CUBN: variants seen among roughly 807,000 people sequenced by gnomAD.
CUBN encodes the protein cubilin, also known as 460 kDa receptor.
Under a neutral mutation model 405.3 loss-of-function variants are expected in CUBN, and 282 were observed. The observed-to-expected ratio is 0.70, with a 90% CI of 0.63 to 0.77. CUBN has a LOEUF of 0.77. CUBN is among the 30% of genes least tolerant of loss of function. The pLI is 0.00. For missense variants in CUBN, 4,514 were observed against 4,475.2 expected (o/e 1.01, Z -0.25); for synonymous variants, 1,684 against 1,617.0 (o/e 1.04, Z -0.99).
chr10:16,967,941 G>C (rs1843448131), intron 31 of CUBN, among the ~76,000 whole-genome samples: 2 of 148,794 alleles, frequency 1.3e-5, no homozygotes, highest in Non-Finnish European at 1.5e-5. Flanking sequence ...GAGAGCAAGA[G>C]GAAGAGGGAA....
intron 17 of CUBN, among the ~76,000 whole-genome samples, chr10:17,083,559 C>G (rs1836023168): frequency 4.3e-5 from 2 of 46,302 alleles, no homozygotes; most frequent in Admixed American, 2.3e-4. Flanking sequence ...TGCTGTAGTG[C>G]TATGGTCAAT....
chr10:16,882,780 G>A (rs1342999977), intron 56 of CUBN, among the ~76,000 whole-genome samples: 2 of 152,134 alleles, frequency 1.3e-5, no homozygotes, highest in African/African-American at 4.8e-5. Flanking sequence ...TTGGGAGGCC[G>A]AGGCAGGCAG....
chr10:17,004,475 A>G (rs959133972), intron 28 of CUBN, among the ~76,000 whole-genome samples: 4 of 152,192 alleles, frequency 2.6e-5, no homozygotes, highest in South Asian at 2.1e-4. Context: ...CAAATTCAGC[A>G]TGTTCAAATA....
chr10:16,837,195 C>G (rs1839198700), intron 62 of CUBN, among the ~76,000 whole-genome samples: 2 of 151,968 alleles, frequency 1.3e-5, no homozygotes, highest in African/African-American at 4.8e-5. Flanking sequence ...CGGTATACAT[C>G]CCCCACCTTT....
chr10:17,097,938 A>C (rs113439011), intron 14 of CUBN, among the ~76,000 whole-genome samples: 3,332 of 152,180 alleles, frequency 0.022, 145 homozygotes, highest in African/African-American at 0.075. Context: ...CCTCGCCTTG[A>C]ATTTGGGTCA....
chr10:16,840,300 T>A, intron 62 of CUBN, 30 bp downstream of exon 62: 1 of 1,560,424 alleles, frequency 6.4e-7, no homozygotes, highest in Non-Finnish European at 8.8e-7. Flanking sequence ...GGTCACTAGA[T>A]GTGACTGCCA....
At chr10:17,080,335 A>G (rs1377183093) in intron 17 of CUBN, among the ~76,000 whole-genome samples, 1 of 152,234 alleles carries the variant, frequency 6.6e-6, no homozygotes, top group Non-Finnish European at 1.5e-5. Flanking sequence ...GAGGTCTAAA[A>G]TATGATGAAT....
intron 28 of CUBN, among the ~76,000 whole-genome samples, chr10:17,011,213 T>TG (rs1404148678): frequency 1.3e-5 from 2 of 152,182 alleles, no homozygotes; most frequent in African/African-American, 4.8e-5. Flanking sequence ...TTCCTTCTGG[T>TG]GGGTTCTTGG....
intron 50 of CUBN, among the ~76,000 whole-genome samples, chr10:16,904,628 G>A (rs1841505443): frequency 1.3e-5 from 2 of 152,196 alleles, no homozygotes; most frequent in South Asian, 2.1e-4. Context: ...ATTACATTTC[G>A]TGGGTTTGAT....
intron 31 of CUBN, among the ~76,000 whole-genome samples, chr10:16,967,657 G>A (rs1306878199): frequency 6.6e-6 from 1 of 152,008 alleles, no homozygotes; most frequent in South Asian, 2.1e-4. Flanking sequence ...GGGCGTAAAG[G>A]AGGGAGGGAA....
intron 66 of CUBN, among the ~76,000 whole-genome samples, chr10:16,828,461 T>C (rs1204435960): frequency 6.6e-6 from 1 of 152,180 alleles, no homozygotes; most frequent in Non-Finnish European, 1.5e-5. Context: ...CTCACGCGTG[T>C]AATCCCAACA....
At chr10:16,850,495 G>A (rs1248624672) in intron 60 of CUBN, among the ~76,000 whole-genome samples, 2 of 151,888 alleles carry the variant, frequency 1.3e-5, no homozygotes, top group Middle Eastern at 3.4e-3. Flanking sequence ...TTTTTGAGAC[G>A]GAGTCTTGCT....
In CUBN at chr10:16,900,703, G is replaced by T; in HGVS notation, c.8332C>A (p.Gln2778Lys). ...NPRTIQSGSN[Q>K]LVVTFNSDHS... Reference sequence around the variant, plus strand: ...TCTGAGTTAAAAGTCACGACCAGCTGATTGGAACCTGACTGTATTGTCCTG... The same window carrying T: ...TCTGAGTTAAAAGTCACGACCAGCTTATTGGAACCTGACTGTATTGTCCTG... Residue 2778 changes from glutamine (Q) to lysine (K), a missense_variant, in exon 53 of 67, where the codon CAG becomes AAG. Gln to Lys is a moderately conservative substitution (Grantham distance 53). Coordinates refer to ENST00000377833, the MANE Select transcript of CUBN (RefSeq NM_001081.4). 6.2e-7 allele frequency: 1 copy of T among 1,614,182 alleles called. No individual in the cohort carries two copies. The highest frequency in any genetic ancestry group is 8.5e-7 in the Non-Finnish European group (1 of 1,180,000).
At chr10:17,001,694 A>C (rs938737327) in intron 28 of CUBN, among the ~76,000 whole-genome samples, 44 of 152,358 alleles carry the variant, frequency 2.9e-4, no homozygotes, top group South Asian at 1.2e-3. Flanking sequence ...CTAAGCGTTT[A>C]ATCATATTTT....
intron 59 of CUBN, among the ~76,000 whole-genome samples, chr10:16,861,162 T>G (rs970748902): frequency 6.6e-6 from 1 of 150,900 alleles, no homozygotes; most frequent in African/African-American, 2.5e-5. Flanking sequence ...TCCCAATGAA[T>G]GCCTTTTTTT....
At chr10:17,092,934 G>T (rs1836296713) in intron 14 of CUBN, among the ~76,000 whole-genome samples, 1 of 152,142 alleles carries the variant, frequency 6.6e-6, no homozygotes, top group South Asian at 2.1e-4. Context: ...ATTAATGATT[G>T]ATAATAGTAA....
At position 17,045,166 on chromosome 10, in the gene CUBN, A is replaced by T. The variant is rs1247581076; in HGVS notation, c.3513T>A (p.Thr1171=). 4.3e-6 allele frequency: 7 copies of T among 1,613,696 alleles called. No individual in the cohort carries two copies. The Admixed American group carries it at 1.2e-4, about 27-fold the overall frequency. ...SSTGCGGNLT[T]SSGTFISPNY... ...TGGGAGATATGAACGTGCCGCTTGAAGTGGTGAGATTACCCCCGCAACCTA... is the reference window on the plus strand; with the variant it reads ...TGGGAGATATGAACGTGCCGCTTGATGTGGTGAGATTACCCCCGCAACCTA... The change falls in exon 25 of 67, where the codon ACT becomes ACA. Residue 1171 remains threonine (T), a synonymous_variant. Coordinates refer to ENST00000377833, the MANE Select transcript of CUBN (RefSeq NM_001081.4).
intron 54 of CUBN, among the ~76,000 whole-genome samples, chr10:16,893,022 C>T (rs1414626975): frequency 6.6e-6 from 1 of 152,110 alleles, no homozygotes; most frequent in East Asian, 1.9e-4. Flanking sequence ...ATTCAATATT[C>T]ATTTCTGCCT....
rs59365817 is a variant in CUBN at position 16,955,374 on chromosome 10, CAAAAAAAA to C, written c.4696-834_4696-827del. On this transcript the variant is annotated intron_variant, in intron 31 of 66. Transcript: ENST00000377833. The stretch of plus-strand genomic sequence containing the variant: ...GGCAACAGAGAGCGAGATTCTGTCT[CAAAAAAAA>C]AAAAAAAAAAAAAAAAAAAAGGAAA... 2.1e-3 allele frequency among the ~76,000 whole-genome samples: 147 copies of C among 68,856 alleles called. 1 individual carries two copies. Among genetic ancestry groups the C allele is most frequent in the Admixed American group, 6.4e-3 (29 of 4,542 alleles). 45.2% of individuals were successfully genotyped at this position (68,856 alleles called of 152,430 possible).
Sources: gnomAD v4.1 joint callset for allele counts (sites outside exome capture counted in the v4.1 genomes callset) on GRCh38, gnomAD v4.1.1 for gene constraint, MANE v1.5 for transcripts, NCBI Gene and HGNC (gene_info 2026-07-23, HGNC 2026-07-21) for gene names.